Variants in TIAM2 observed in about 807,000 individuals in gnomAD.
TIAM2 encodes the protein rho guanine nucleotide exchange factor TIAM2.
Under a neutral mutation model 152.9 loss-of-function variants are expected in TIAM2, and 80 were observed. That is an observed-to-expected ratio of 0.52 (90% CI 0.44 to 0.63). The LOEUF (loss-of-function observed/expected upper bound fraction) is 0.63, where lower values mean the gene tolerates loss of function less well. Among genes scored for constraint, TIAM2 ranks in the 30% least tolerant of loss-of-function variants. The pLI, the probability that TIAM2 is intolerant of heterozygous loss-of-function variation, is 0.00. For missense variants in TIAM2, 1,965 were observed against 2,120.1 expected, an observed-to-expected ratio of 0.93 and a Z score of 1.44; for synonymous variants, 804 against 838.0, an observed-to-expected ratio of 0.96 and a Z score of 0.70.
intron 2 of TIAM2, among the ~76,000 whole-genome samples, chr6:155,091,635 C>CA (rs1317559506): frequency 6.6e-6 from 1 of 152,106 alleles, no homozygotes; most frequent in Non-Finnish European, 1.5e-5. Flanking sequence ...AAATATAATA[C>CA]ATATTAAAGC....
At chr6:155,025,334 C>T (rs1776579692) in intron 1 of TIAM2, among the ~76,000 whole-genome samples, 2 of 152,096 alleles carry the variant, frequency 1.3e-5, no homozygotes, top group African/African-American at 4.8e-5. Context: ...GCTGGGACTA[C>T]AGGCGCCTGC....
In TIAM2 at chr6:155,256,601, G is replaced by GC. The variant is rs1238649467; in HGVS notation, c.4587dup (p.Ser1530GlnfsTer7). On this transcript the variant is annotated frameshift_variant, in exon 27 of 27. Transcript: ENST00000682666. LOFTEE classifies it low-confidence loss of function (END_TRUNC). ...GGCAGCTTGAGCAGCGGCACCCAGA[G>GC]CAGCGGCTGCCCCACGGCTGAGGGC... 1 of 1,614,050 alleles carries GC rather than the reference G, an allele frequency of 6.2e-7. No homozygotes were observed. Among genetic ancestry groups the GC allele is most frequent in the Non-Finnish European group, 8.5e-7 (1 of 1,180,034 alleles).
chr6:155,171,679 G>C (rs1780591081), intron 9 of TIAM2, among the ~76,000 whole-genome samples: 1 of 152,192 alleles, frequency 6.6e-6, no homozygotes, highest in South Asian at 2.1e-4. Flanking sequence ...TCTGTTTAGA[G>C]AGAATATTAA....
intron 1 of TIAM2, among the ~76,000 whole-genome samples, chr6:155,007,834 G>C (rs977633842): frequency 6.6e-6 from 1 of 152,166 alleles, no homozygotes; most frequent in South Asian, 2.1e-4. Context: ...AATTGAGCCC[G>C]TCGGATGGTT....
intron 15 of TIAM2, chr6:155,216,817 T>A (rs74349142): frequency 1.0e-6 from 1 of 966,312 alleles, no homozygotes; most frequent in African/African-American, 1.8e-5. Context: ...ACCCGGTGCC[T>A]TTCTAGAGCA....
intron 1 of TIAM2, among the ~76,000 whole-genome samples, chr6:155,020,068 C>T (rs1252209027): frequency 2.0e-5 from 3 of 151,534 alleles, no homozygotes; most frequent in Admixed American, 6.6e-5. Context: ...AAAAAGGCAG[C>T]GAGGTAGGTG....
intron 14 of TIAM2, among the ~76,000 whole-genome samples, chr6:155,188,137 T>A (rs149259142): frequency 9.0e-4 from 137 of 152,332 alleles, no homozygotes; most frequent in African/African-American, 3.0e-3. Flanking sequence ...CGCATGTGTG[T>A]TCTTAGGAAT....
At chr6:155,232,281 C>T (rs926848668) in intron 15 of TIAM2, among the ~76,000 whole-genome samples, 5 of 151,342 alleles carry the variant, frequency 3.3e-5, no homozygotes, top group African/African-American at 7.3e-5. Flanking sequence ...TTTTTTTTCC[C>T]GTTTTCCTAA....
At chr6:155,242,398 A>G (rs1363911792) in intron 16 of TIAM2, among the ~76,000 whole-genome samples, 2 of 152,090 alleles carry the variant, frequency 1.3e-5, no homozygotes, top group Admixed American at 6.5e-5. Context: ...TTTGACATCT[A>G]TGTGTTCCCT....
Position 155,214,251 on chromosome 6 carries a change from C to G in TIAM2, c.3168+2944C>G, listed in dbSNP as rs923312783. ...CCTCCCCCGGTGCAGCCGGCATCAT[C>G]GCAGTGACTGTTCCAGATGGGCCAC... On this transcript the variant is annotated intron_variant, in intron 15 of 26. Coordinates refer to ENST00000682666, the MANE Select transcript of TIAM2 (RefSeq NM_012454.4). This position sits in a 1 kb window ranked among gnomAD's most constrained non-coding sequence, Gnocchi z 5.4. Among the ~76,000 whole-genome samples the G allele has an allele frequency of 6.6e-6, 1 of 152,230 alleles. No homozygotes were observed. The highest frequency in any genetic ancestry group is 1.5e-5 in the Non-Finnish European group (1 of 68,038).
chr6:155,054,591 T>TGTTTTGTTTTG lies in TIAM2; in HGVS notation c.-208-35698_-208-35697insGTTTTGTTTTG, dbSNP rs5881117. Among the ~76,000 whole-genome samples, 207 of 149,748 alleles carry TGTTTTGTTTTG rather than the reference T, an allele frequency of 1.4e-3. 4 individuals carry two copies. In the East Asian group the frequency reaches 0.032, roughly 23 times the overall value. Reference sequence around the variant, plus strand: ...AGTTTTGTTTTGTTTTGTTTTGTTTTTTTTTTTTGAGACGGAGTCTCACTC... The same window carrying TGTTTTGTTTTG: ...AGTTTTGTTTTGTTTTGTTTTGTTTTGTTTTGTTTTGTTTTTTTTGAGACGGAGTCTCACTC... On this transcript the variant is annotated intron_variant, in intron 1 of 26. Coordinates refer to ENST00000682666, the MANE Select transcript of TIAM2 (RefSeq NM_012454.4).
chr6:155,071,588 A>G (rs1292024058), intron 1 of TIAM2, among the ~76,000 whole-genome samples: 8 of 152,186 alleles, frequency 5.3e-5, no homozygotes, highest in Non-Finnish European at 1.0e-4. Flanking sequence ...GATCTGTGCA[A>G]GGTGCAGTGA....
intron 1 of TIAM2, among the ~76,000 whole-genome samples, chr6:155,067,326 T>C (rs1341324013): frequency 1.3e-5 from 2 of 152,182 alleles, no homozygotes; most frequent in Non-Finnish European, 2.9e-5. Context: ...CCAACTCCCA[T>C]AATATGTTGG....
intron 2 of TIAM2, among the ~76,000 whole-genome samples, chr6:155,101,787 T>G (rs1038564499): frequency 4.0e-4 from 61 of 152,296 alleles, no homozygotes; most frequent in African/African-American, 1.4e-3. Flanking sequence ...CTCGGCTCAC[T>G]GCAGCCTCTG....
intron 2 of TIAM2, among the ~76,000 whole-genome samples, chr6:155,116,478 GA>G (rs1275329378): frequency 4.6e-5 from 7 of 152,060 alleles, no homozygotes; most frequent in Non-Finnish European, 8.8e-5. Context: ...TAGATGAGGG[GA>G]AAAAAATATG....
At chr6:155,093,689 G>A (rs1237109124) in intron 2 of TIAM2, among the ~76,000 whole-genome samples, 1 of 152,176 alleles carries the variant, frequency 6.6e-6, no homozygotes, top group Non-Finnish European at 1.5e-5. Flanking sequence ...GGTGTCTGAC[G>A]ACTGGTTGGC....
chr6:155,129,422 C>T lies in TIAM2; in HGVS notation c.199C>T (p.His67Tyr). The T allele has an allele frequency of 6.2e-7, 1 of 1,614,142 alleles. No homozygotes were observed. The highest frequency in any genetic ancestry group is 1.1e-5 in the South Asian group (1 of 91,082). Reference protein sequence around the residue: ...SRSLARSCLSHFKSNQPYASR... With the variant: ...SRSLARSCLSYFKSNQPYASR... ...GTCCCTGGCCCGAAGCTGCCTTTCTCACTTTAAGAGTAACCAGCCTTACGC... is the reference window on the plus strand; with the variant it reads ...GTCCCTGGCCCGAAGCTGCCTTTCTTACTTTAAGAGTAACCAGCCTTACGC... Residue 67 changes from histidine to tyrosine, a missense_variant, in exon 4 of 27, where the codon CAC becomes TAC. By Grantham distance (83) the His-to-Tyr change is moderately conservative (BLOSUM62 2). Transcript: ENST00000682666. The surrounding 1 kb of genome is among the most constrained non-coding windows in gnomAD (Gnocchi z 4.8).
intron 14 of TIAM2, among the ~76,000 whole-genome samples, chr6:155,204,436 C>T (rs1179281314): frequency 6.6e-6 from 1 of 151,956 alleles, no homozygotes; most frequent in South Asian, 2.1e-4. Context: ...GTTCTGGTGC[C>T]ATTTACATAT....
chr6:155,173,210 T>C (rs1562341697), intron 9 of TIAM2, among the ~76,000 whole-genome samples: 1 of 152,072 alleles, frequency 6.6e-6, no homozygotes, highest in Middle Eastern at 3.4e-3. Flanking sequence ...TGTCTGTCTG[T>C]CTGTCTGCCT....
Sources: gnomAD v4.1 joint callset for allele counts (sites outside exome capture counted in the v4.1 genomes callset) on GRCh38, gnomAD v4.1.1 for gene constraint, Gnocchi (gnomAD v3.1) non-coding constraint, MANE v1.5 for transcripts, NCBI Gene and HGNC (gene_info 2026-07-23, HGNC 2026-07-21) for gene names.